Variants in LHX9 observed in about 807,000 individuals in gnomAD.
The protein encoded by LHX9 is LIM/homeobox protein Lhx9.
A neutral mutation model predicts 36.5 loss-of-function variants in LHX9; 9 were observed. The observed-to-expected ratio is 0.25, with a 90% CI of 0.15 to 0.43. The LOEUF (loss-of-function observed/expected upper bound fraction) is 0.43. Among genes scored for constraint, LHX9 ranks in the 20% least tolerant of loss-of-function variants. The pLI, the probability that LHX9 is intolerant of heterozygous loss-of-function variation, is 1.00. For missense variants in LHX9, 464 were observed against 526.4 expected (o/e 0.88, Z 1.16); for synonymous variants, 211 against 212.1 (o/e 0.99, Z 0.04).
In LHX9 at chr1:197,917,678, A is replaced by G; in HGVS notation, c.-146A>G. 6.4e-7 allele frequency: 1 copy of G among 1,563,112 alleles called. No homozygotes were observed. The highest frequency in any genetic ancestry group is 2.3e-5 in the East Asian group (1 of 43,734). On this transcript the variant is annotated 5_prime_UTR_variant, in exon 1 of 5. Coordinates refer to ENST00000367387, the MANE Select transcript of LHX9 (RefSeq NM_020204.3). Reference sequence around the variant, plus strand: ...TGCTTCCCCTCGGCCCCCCAAGCAGACCGATTTCCACTCCATCTGTTTCTT... The same window carrying G: ...TGCTTCCCCTCGGCCCCCCAAGCAGGCCGATTTCCACTCCATCTGTTTCTT...
chr1:197,927,672 C>G lies in LHX9; in HGVS notation c.815C>G (p.Thr272Ser). The G allele has an allele frequency of 6.2e-7, 1 of 1,614,220 alleles. No individual in the cohort carries two copies. The highest frequency in any genetic ancestry group is 8.5e-7 in the Non-Finnish European group (1 of 1,180,044). The change falls in exon 4 of 5, where the codon ACC becomes AGC. Residue 272 changes from threonine (T) to serine (S), a missense_variant. Around this residue, in one of 5 missense-constraint regions of LHX9, gnomAD observed 20 missense variants for 67.0 expected, o/e 0.30. Transcript: ENST00000367387. ...PPSQKTKRMR[T>S]SFKHHQLRTM... ...TCGCAGAAGACCAAGCGCATGCGAACCTCTTTCAAGCATCACCAGCTCCGG... is the reference window on the plus strand; with the variant it reads ...TCGCAGAAGACCAAGCGCATGCGAAGCTCTTTCAAGCATCACCAGCTCCGG...
chr1:197,928,723 A>G (rs576865745), intron 4 of LHX9, among the ~76,000 whole-genome samples: 2 of 152,250 alleles, frequency 1.3e-5, no homozygotes, highest in African/African-American at 2.4e-5. Context: ...CCACTTAAGC[A>G]TCAGTTGTTC....
chr1:197,912,927 G>A, upstream of LHX9: 1 of 307,600 alleles, frequency 3.3e-6, no homozygotes, highest in Non-Finnish European at 6.0e-6. Flanking sequence ...TGGAAGGGAT[G>A]GAAGGGGGGC....
chr1:197,921,720 C>T lies in LHX9; in HGVS notation c.733+61C>T. 1 of 1,353,782 alleles carries T rather than the reference C, an allele frequency of 7.4e-7. No homozygotes were observed. The highest frequency in any genetic ancestry group is 1.5e-5 in the African/African-American group (1 of 68,960). 83.9% of individuals were successfully genotyped at this position (1,353,782 alleles called of 1,614,324 possible). ...GCCTCCCTGAGGAAAATTCGTAGAGCTCCTTCCCCGTCCAAAGTCTTGCTG... is the reference window on the plus strand; with the variant it reads ...GCCTCCCTGAGGAAAATTCGTAGAGTTCCTTCCCCGTCCAAAGTCTTGCTG... On this transcript the variant is annotated intron_variant, in intron 3 of 4. Coordinates refer to ENST00000367387, the MANE Select transcript of LHX9 (RefSeq NM_020204.3). This position sits in a 1 kb window ranked among gnomAD's most constrained non-coding sequence, Gnocchi z 4.6.
chr1:197,923,237 C>T (rs575608970), intron 3 of LHX9, among the ~76,000 whole-genome samples: 1 of 152,360 alleles, frequency 6.6e-6, no homozygotes, highest in East Asian at 1.9e-4. Context: ...CACTGCAAAT[C>T]TCACCAGGGT....
chr1:197,918,668 C>A (rs1571398980), intron 1 of LHX9: 4 of 422,468 alleles, frequency 9.5e-6, no homozygotes, highest in East Asian at 3.9e-5. Flanking sequence ...AACGCATGAA[C>A]TTTATAACCA....
Position 197,931,183 on chromosome 1 carries a change from T to A in LHX9, c.*1924T>A, listed in dbSNP as rs890085857. ...CCCTTTTAACACCTCACTAGTTTTG[T>A]ACTGTTTTACCTCTTATTTCTGAAA... On this transcript the variant is annotated 3_prime_UTR_variant, in exon 5 of 5. Coordinates refer to ENST00000367387, the MANE Select transcript of LHX9 (RefSeq NM_020204.3). 8 of 152,056 alleles carry A rather than the reference T, an allele frequency of 5.3e-5. No homozygotes were observed. Among genetic ancestry groups the A allele is most frequent in the African/African-American group, 1.9e-4 (8 of 41,456 alleles). 9.4% of individuals were successfully genotyped at this position (152,056 alleles called of 1,614,324 possible).
chr1:197,919,896 C>A, intron 1 of LHX9, 76 bp from the exon 2 acceptor site: 1 of 1,499,428 alleles, frequency 6.7e-7, no homozygotes, highest in Non-Finnish European at 9.1e-7. Context: ...TGGGCTTGGT[C>A]TGCCTGGGGG....
chr1:197,921,350 G>T lies in LHX9; in HGVS notation c.424G>T (p.Ala142Ser). ...RCARCHLGISASEMVMRARDS... is the reference protein window; with the variant it reads ...RCARCHLGISSSEMVMRARDS... ...TGCCCGCTGCCACCTTGGCATTTCCGCCTCGGAGATGGTCATGCGCGCCCG... is the reference window on the plus strand; with the variant it reads ...TGCCCGCTGCCACCTTGGCATTTCCTCCTCGGAGATGGTCATGCGCGCCCG... The change falls in exon 3 of 5, where the codon GCC becomes TCC. Residue 142 changes from alanine to serine, a missense_variant. By Grantham distance (99) the Ala-to-Ser change is moderately conservative. Transcript: ENST00000367387. This position sits in a 1 kb window ranked among gnomAD's most constrained non-coding sequence, Gnocchi z 4.6. 1 of 1,614,044 alleles carries T rather than the reference G, an allele frequency of 6.2e-7. No homozygotes were observed. Among genetic ancestry groups the T allele is most frequent in the Non-Finnish European group, 8.5e-7 (1 of 1,180,026 alleles).
Position 197,930,072 on chromosome 1 carries a change from T to G in LHX9, c.*813T>G. The G allele has an allele frequency of 1.0e-6, 1 of 976,972 alleles. No homozygotes were observed. Among genetic ancestry groups the G allele is most frequent in the Non-Finnish European group, 1.2e-6 (1 of 822,070 alleles). 60.5% of individuals were successfully genotyped at this position (976,972 alleles called of 1,614,324 possible). A position where few individuals can be genotyped will look rare whatever the true frequency, so the allele number is the denominator to read the frequency against. ...TAGCTCGGAAACCATTCTTTCTAGT[T>G]ACTTTTTTTCCCAGGGAAAATGGAA... On this transcript the variant is annotated 3_prime_UTR_variant, in exon 5 of 5. Coordinates refer to ENST00000367387, the MANE Select transcript of LHX9 (RefSeq NM_020204.3).
Position 197,933,069 on chromosome 1 carries a change from G to T in LHX9, c.*3810G>T, listed in dbSNP as rs932750532. On this transcript the variant is annotated 3_prime_UTR_variant, in exon 5 of 5. Transcript: ENST00000367387. Reference sequence around the variant, plus strand: ...AAGACAGACAAATATTTAGGAATGAGGTTTTTTTTAATTGTTAAAGGGAAT... The same window carrying T: ...AAGACAGACAAATATTTAGGAATGATGTTTTTTTTAATTGTTAAAGGGAAT... 1 of 151,550 alleles carries T rather than the reference G, an allele frequency of 6.6e-6. No homozygotes were observed. The highest frequency in any genetic ancestry group is 2.4e-5 in the African/African-American group (1 of 41,320). The allele number at this position is 151,550 out of a possible 1,614,324, so 9.4% of individuals were successfully genotyped here.
chr1:197,919,542 T>A (rs1429859323), intron 1 of LHX9, among the ~76,000 whole-genome samples: 1 of 152,240 alleles, frequency 6.6e-6, no homozygotes, highest in Non-Finnish European at 1.5e-5. Context: ...ACTGTAATAT[T>A]TTTTGTTTAA....
Position 197,930,583 on chromosome 1 carries a change from T to C in LHX9, c.*1324T>C, listed in dbSNP as rs1469585967. ...GGATTGTTAAGAATAACTTTGCACA[T>C]ATTTTCCACTTTTTGGACCCCTTAA... On this transcript the variant is annotated 3_prime_UTR_variant, in exon 5 of 5. Coordinates refer to ENST00000367387, the MANE Select transcript of LHX9 (RefSeq NM_020204.3). 6.6e-6 allele frequency: 1 copy of C among 152,068 alleles called. No homozygotes were observed. Among genetic ancestry groups the C allele is most frequent in the East Asian group, 1.9e-4 (1 of 5,204 alleles). 9.4% of individuals were successfully genotyped at this position (152,068 alleles called of 1,614,324 possible). A position where few individuals can be genotyped will look rare whatever the true frequency, so the allele number is the denominator to read the frequency against.
At position 197,917,716 on chromosome 1, in the gene LHX9, C is replaced by T. The variant is rs566574241; in HGVS notation, c.-108C>T. 2 of 1,588,426 alleles carry T rather than the reference C, an allele frequency of 1.3e-6. No homozygotes were observed. The highest frequency in any genetic ancestry group is 1.2e-5 in the South Asian group (1 of 86,450). ...CCATCTGTTTCTTCTCCTCCTTTCT[C>T]TCCCTCTTTCCCTCCATCCTCGAGC... On this transcript the variant is annotated 5_prime_UTR_variant, in exon 1 of 5. Transcript: ENST00000367387.
upstream of LHX9, among the ~76,000 whole-genome samples, chr1:197,914,482 C>CCTTATTTAAAGTG (rs530765513): frequency 7.2e-5 from 11 of 152,026 alleles, no homozygotes; most frequent in South Asian, 2.1e-3. Flanking sequence ...AAGATGCTTT[C>CCTTATTTAAAGTG]CTTATTTAAA....
Position 197,929,456 on chromosome 1 carries a change from A to T in LHX9, c.*197A>T, listed in dbSNP as rs1660263901. 2 of 1,083,074 alleles carry T rather than the reference A, an allele frequency of 1.8e-6. No individual in the cohort carries two copies. 67.1% of individuals were successfully genotyped at this position (1,083,074 alleles called of 1,614,324 possible). A position where few individuals can be genotyped will look rare whatever the true frequency, so the allele number is the denominator to read the frequency against. On this transcript the variant is annotated 3_prime_UTR_variant, in exon 5 of 5. Coordinates refer to ENST00000367387, the MANE Select transcript of LHX9 (RefSeq NM_020204.3). The stretch of plus-strand genomic sequence containing the variant: ...TTACAGTATTGTCTCCTTTAAGTGA[A>T]TATATTTTGTCTACAAAGTGTATTT...
intron 1 of LHX9, chr1:197,918,261 G>T (rs1372584074): frequency 1.4e-6 from 1 of 716,326 alleles, no homozygotes; most frequent in Non-Finnish European, 2.6e-6. Flanking sequence ...AGGTGGGATG[G>T]GGGGTGGTGG....
In LHX9 at chr1:197,917,741, C is replaced by T. The variant is rs1659815932; in HGVS notation, c.-83C>T. 6.3e-7 allele frequency: 1 copy of T among 1,599,542 alleles called. No homozygotes were observed. The highest frequency in any genetic ancestry group is 8.5e-7 in the Non-Finnish European group (1 of 1,175,528). On this transcript the variant is annotated 5_prime_UTR_variant, in exon 1 of 5. Coordinates refer to ENST00000367387, the MANE Select transcript of LHX9 (RefSeq NM_020204.3). ...CTCCCTCTTTCCCTCCATCCTCGAG[C>T]GTCTCTGCGCTCCTACAGGGCAGCC...
In LHX9 at chr1:197,933,078, T is replaced by A. The variant is rs1050303916; in HGVS notation, c.*3819T>A. The A allele has an allele frequency of 3.9e-5, 6 of 152,010 alleles. No individual in the cohort carries two copies. The highest frequency in any genetic ancestry group is 1.4e-4 in the African/African-American group (6 of 41,448). 9.4% of individuals were successfully genotyped at this position (152,010 alleles called of 1,614,324 possible). ...AAATATTTAGGAATGAGGTTTTTTT[T>A]AATTGTTAAAGGGAATATTTGAAGA... On this transcript the variant is annotated 3_prime_UTR_variant, in exon 5 of 5. Coordinates refer to ENST00000367387, the MANE Select transcript of LHX9 (RefSeq NM_020204.3).
Sources: gnomAD v4.1 joint callset for allele counts (sites outside exome capture counted in the v4.1 genomes callset) on GRCh38, gnomAD v4.1.1 for gene constraint, gnomAD v4.1.1 regional missense constraint, Gnocchi (gnomAD v3.1) non-coding constraint, MANE v1.5 for transcripts, NCBI Gene and HGNC (gene_info 2026-07-23, HGNC 2026-07-21) for gene names.